Variants in PTPRR observed in about 807,000 individuals in gnomAD.
PTPRR encodes receptor-type tyrosine-protein phosphatase R.
PTPRR carries 38 observed loss-of-function variants against 77.2 expected under a neutral mutation model. The ratio of observed to expected loss-of-function variants is 0.49; its 90% CI spans 0.38 to 0.65. The LOEUF is 0.65. PTPRR is among the 30% of genes least tolerant of loss of function. The pLI, the probability that PTPRR is intolerant of heterozygous loss-of-function variation, is 0.00. For synonymous variants in PTPRR, 299 were observed against 283.1 expected (o/e 1.06, Z -0.57); for missense variants, 744 against 799.2 (o/e 0.93, Z 0.83).
At chr12:70,775,931 T>C (rs1048475171) in intron 2 of PTPRR, among the ~76,000 whole-genome samples, 2 of 152,186 alleles carry the variant, frequency 1.3e-5, no homozygotes, top group African/African-American at 2.4e-5. Flanking sequence ...AGACATTTTA[T>C]GCTTTCACCC....
At chr12:70,691,413 C>T (rs1273312726) in intron 8 of PTPRR, among the ~76,000 whole-genome samples, 1 of 152,112 alleles carries the variant, frequency 6.6e-6, no homozygotes, top group Non-Finnish European at 1.5e-5. Flanking sequence ...ATTTAATCTG[C>T]CCCTTTTCAT....
chr12:70,766,758 C>T (rs1167009625), intron 2 of PTPRR, among the ~76,000 whole-genome samples: 1 of 151,944 alleles, frequency 6.6e-6, no homozygotes, highest in African/African-American at 2.4e-5. Context: ...TAAGGGCAGC[C>T]AGAGAGAAAG....
chr12:70,787,254 G>A (rs1450763699), intron 2 of PTPRR, among the ~76,000 whole-genome samples: 1 of 152,106 alleles, frequency 6.6e-6, no homozygotes, highest in Non-Finnish European at 1.5e-5. Context: ...TTAACTGTTA[G>A]AAGTATATAT....
chr12:70,705,556 G>A (rs572428289), intron 6 of PTPRR, among the ~76,000 whole-genome samples: 68 of 152,074 alleles, frequency 4.5e-4, no homozygotes, highest in African/African-American at 1.6e-3. Flanking sequence ...TTGTAGTCCC[G>A]GAAGATGTAC....
At chr12:70,782,604 C>T (rs540408046) in intron 2 of PTPRR, among the ~76,000 whole-genome samples, 4 of 152,180 alleles carry the variant, frequency 2.6e-5, no homozygotes, top group South Asian at 4.2e-4. Flanking sequence ...AAACCAAACA[C>T]CGCATGTTCT....
At chr12:70,742,649 A>C (rs1395476872) in intron 6 of PTPRR, among the ~76,000 whole-genome samples, 1 of 152,206 alleles carries the variant, frequency 6.6e-6, no homozygotes, top group Non-Finnish European at 1.5e-5. Context: ...AAACACTCAA[A>C]TATAATTTAG....
At chr12:70,841,328 G>A (rs1892394244) in intron 2 of PTPRR, among the ~76,000 whole-genome samples, 1 of 152,086 alleles carries the variant, frequency 6.6e-6, no homozygotes, top group Admixed American at 6.6e-5. Flanking sequence ...TATCAGTGTA[G>A]TGTGGGCACT....
intron 10 of PTPRR, among the ~76,000 whole-genome samples, chr12:70,668,934 C>T (rs1887111977): frequency 6.6e-6 from 1 of 152,076 alleles, no homozygotes; most frequent in African/African-American, 2.4e-5. Flanking sequence ...TATATGGTAG[C>T]TGCAATTTGA....
At chr12:70,799,263 A>T (rs1891570973) in intron 2 of PTPRR, among the ~76,000 whole-genome samples, 1 of 152,228 alleles carries the variant, frequency 6.6e-6, no homozygotes, top group South Asian at 2.1e-4. Flanking sequence ...CACATACCAC[A>T]TGTATGTTAT....
At position 70,662,573 on chromosome 12, in the gene PTPRR, C is replaced by T; in HGVS notation, c.1530G>A (p.Gly510=). Residue 510 remains glycine (G), a synonymous_variant, in exon 11 of 14, where the codon GGG becomes GGA. Coordinates refer to ENST00000283228, the MANE Select transcript of PTPRR (RefSeq NM_002849.4). ...CCAGAACCTCAACTTTTCCATATAT[C>T]CCTCTCTTTTCCGGCCAGTATAGCA... ...KCVLYWPEKR[G]IYGKVEVLVI... is the part of the protein sequence containing the mutation. 2 of 1,612,156 alleles carry T rather than the reference C, an allele frequency of 1.2e-6. No homozygotes were observed.
intron 2 of PTPRR, among the ~76,000 whole-genome samples, chr12:70,841,021 C>T (rs1892387742): frequency 6.9e-6 from 1 of 144,000 alleles, no homozygotes; most frequent in Non-Finnish European, 1.5e-5. Flanking sequence ...GATAAAACAG[C>T]CCTGCAACCA....
intron 6 of PTPRR, among the ~76,000 whole-genome samples, chr12:70,719,544 A>C (rs992935433): frequency 1.5e-4 from 23 of 151,980 alleles, no homozygotes; most frequent in African/African-American, 5.3e-4. Flanking sequence ...GGCAAAAAAA[A>C]AAATCATTTT....
intron 2 of PTPRR, among the ~76,000 whole-genome samples, chr12:70,885,245 C>A (rs1220786974): frequency 6.6e-6 from 1 of 152,112 alleles, no homozygotes. Context: ...TCATTTATTT[C>A]TCCTTCTCAG....
chr12:70,894,558 T>C (rs1893393115), intron 1 of PTPRR, among the ~76,000 whole-genome samples: 2 of 151,908 alleles, frequency 1.3e-5, no homozygotes, highest in East Asian at 1.9e-4. Context: ...CTTTCAGAAA[T>C]GTAGAAACTC....
chr12:70,875,624 G>A (rs1893037891), intron 2 of PTPRR, among the ~76,000 whole-genome samples: 1 of 150,092 alleles, frequency 6.7e-6, no homozygotes, highest in Non-Finnish European at 1.5e-5. Flanking sequence ...AAGAATGACT[G>A]GGATTTATTG....
chr12:70,730,266 T>C (rs1228058638), intron 6 of PTPRR, among the ~76,000 whole-genome samples: 2 of 152,300 alleles, frequency 1.3e-5, no homozygotes, highest in East Asian at 3.9e-4. Flanking sequence ...ATCCCAACAC[T>C]TTGGGAGGCC....
At chr12:70,764,973 C>T (rs771989429) in intron 2 of PTPRR, among the ~76,000 whole-genome samples, 195 bp from the exon 3 acceptor site, 3 of 152,126 alleles carry the variant, frequency 2.0e-5, no homozygotes, top group Non-Finnish European at 4.4e-5. Flanking sequence ...ATTATAGGAA[C>T]ATTGCATGTG....
intron 2 of PTPRR, among the ~76,000 whole-genome samples, chr12:70,847,102 C>T (rs887813381): frequency 2.0e-5 from 3 of 152,108 alleles, no homozygotes; most frequent in African/African-American, 7.2e-5. Context: ...GAAAAACAAA[C>T]GCCTGACACG....
intron 1 of PTPRR, among the ~76,000 whole-genome samples, chr12:70,895,508 C>T (rs1296747628): frequency 6.6e-6 from 1 of 151,410 alleles, no homozygotes; most frequent in Non-Finnish European, 1.5e-5. Flanking sequence ...CTTAGTCCTG[C>T]CTTGTTCCTG....
Sources: gnomAD v4.1 joint callset for allele counts (sites outside exome capture counted in the v4.1 genomes callset) on GRCh38, gnomAD v4.1.1 for gene constraint, MANE v1.5 for transcripts, NCBI Gene and HGNC (gene_info 2026-07-23, HGNC 2026-07-21) for gene names.